UNC13A: variants seen among roughly 807,000 people sequenced by gnomAD.
UNC13A encodes unc-13 homolog A.
A neutral mutation model predicts 219.7 loss-of-function variants in UNC13A; 61 were observed. That is an observed-to-expected ratio of 0.28 (90% CI 0.23 to 0.34). The LOEUF (loss-of-function observed/expected upper bound fraction) is 0.34, where lower values mean the gene tolerates loss of function less well. Ranked by LOEUF, UNC13A falls within the 10% of genes least tolerant of loss-of-function variation. The probability of loss-of-function intolerance (pLI) is 1.00; values close to 1 mark genes in which losing one functional copy is unlikely to be tolerated. For missense variants in UNC13A, 1,476 were observed against 2,270.3 expected (o/e 0.65, Z 7.11); for synonymous variants, 920 against 884.6 (o/e 1.04, Z -0.71).
chr19:17,680,879 C>CTTTTTTTT, intron 1 of UNC13A, among the ~76,000 whole-genome samples: 1 of 80,188 alleles, frequency 1.2e-5, no homozygotes, highest in Non-Finnish European at 2.6e-5. Context: ...CTTTTTTTTT[C>CTTTTTTTT]TTTTCTTTTC....
chr19:17,642,749 G>A (rs1431240676), intron 20 of UNC13A, 96 bp downstream of exon 20: 2 of 1,067,900 alleles, frequency 1.9e-6, no homozygotes, highest in African/African-American at 3.1e-5. Flanking sequence ...CAGAGGGCCA[G>A]GAGAGTGTGG....
At chr19:17,634,485 C>T (rs992191225) in intron 26 of UNC13A, among the ~76,000 whole-genome samples, 3 of 151,356 alleles carry the variant, frequency 2.0e-5, no homozygotes, top group Non-Finnish European at 4.4e-5. Context: ...ATTACAGGCG[C>T]GAGCCACTAT....
At chr19:17,664,457 C>T (rs981132843) in intron 7 of UNC13A, among the ~76,000 whole-genome samples, 1 of 152,210 alleles carries the variant, frequency 6.6e-6, no homozygotes, top group Non-Finnish European at 1.5e-5. Flanking sequence ...GACCAGAATC[C>T]TGGCTCCTCT....
At position 17,658,143 on chromosome 19, in the gene UNC13A, C is replaced by T. The variant is rs1402835470; in HGVS notation, c.686G>A (p.Arg229His). The T allele has an allele frequency of 1.9e-6, 3 of 1,613,776 alleles. No homozygotes were observed. Among genetic ancestry groups the T allele is most frequent in the Non-Finnish European group, 2.5e-6 (3 of 1,179,844 alleles). ...CTCCCGGGAGCCCAGGGGTGGTGGG[C>T]GAACAGAATATTGGTGGACTGAGGC... ...PNASVHQYSV[R>H]PPPLGSRESY... Residue 229 changes from arginine (R) to histidine (H), a missense_variant, in exon 9 of 44, where the codon CGC becomes CAC. Physicochemically the swap from Arg to His is conservative, Grantham distance 29. Coordinates refer to ENST00000519716, the MANE Select transcript of UNC13A (RefSeq NM_001080421.3).
At chr19:17,634,435 C>A (rs2076891344) in intron 26 of UNC13A, among the ~76,000 whole-genome samples, 1 of 151,514 alleles carries the variant, frequency 6.6e-6, no homozygotes, top group Non-Finnish European at 1.5e-5. Context: ...ACCACCCGGG[C>A]TCAAATGATT....
Position 17,649,718 on chromosome 19 carries a change from G to A in UNC13A, c.1440-131C>T. On this transcript the variant is annotated intron_variant, in intron 12 of 43. Transcript: ENST00000519716. This position sits in a 1 kb window ranked among gnomAD's most constrained non-coding sequence, Gnocchi z 4.4. ...TCCCTCAAAAAAAAGATACGCTGAT[G>A]CCCTAACCCCCACTACCTCAGAAGG... The A allele has an allele frequency of 1.1e-6, 1 of 929,856 alleles. No homozygotes were observed. Among genetic ancestry groups the A allele is most frequent in the Non-Finnish European group, 1.7e-6 (1 of 595,918 alleles). 57.6% of individuals were successfully genotyped at this position (929,856 alleles called of 1,614,324 possible).
At chr19:17,656,493 A>T (rs932129618) in intron 9 of UNC13A, 95 bp from the exon 10 acceptor site, 4 of 1,250,564 alleles carry the variant, frequency 3.2e-6, no homozygotes, top group Non-Finnish European at 4.3e-6. Context: ...CCGACTGAGC[A>T]CCTACGATGT....
At chr19:17,634,621 T>C (rs2145018612) in intron 26 of UNC13A, among the ~76,000 whole-genome samples, 1 of 152,234 alleles carries the variant, frequency 6.6e-6, no homozygotes, top group Non-Finnish European at 1.5e-5. Flanking sequence ...ATTACAAGCG[T>C]GAGCTGCCAC....
intron 8 of UNC13A, among the ~76,000 whole-genome samples, chr19:17,662,919 CAA>C (rs35777969): frequency 1.6e-4 from 12 of 74,180 alleles, no homozygotes; most frequent in Admixed American, 1.5e-4. Flanking sequence ...GACTCCGTCT[CAA>C]AAAAAAAAAA....
intron 20 of UNC13A, 109 bp downstream of exon 20, chr19:17,642,736 T>C (rs2076983790): frequency 1.1e-6 from 1 of 903,758 alleles, no homozygotes; most frequent in Admixed American, 2.6e-5. Context: ...TGGCGGGCAG[T>C]CTCAGAGGGC....
intron 11 of UNC13A, among the ~76,000 whole-genome samples, chr19:17,654,890 T>C (rs1186788668): frequency 5.9e-5 from 9 of 152,238 alleles, no homozygotes; most frequent in Admixed American, 4.6e-4. Flanking sequence ...CAGGCTGACA[T>C]TGGGAAGGAG....
At chr19:17,630,632 G>A (rs766176438) in intron 29 of UNC13A, 22 bp downstream of exon 29, 6 of 1,612,952 alleles carry the variant, frequency 3.7e-6, no homozygotes, top group Non-Finnish European at 5.1e-6. Flanking sequence ...TTAGGAACTT[G>A]GTTGTGGGTG....
At chr19:17,621,677 T>C (rs993991561) in intron 37 of UNC13A, among the ~76,000 whole-genome samples, 155 bp downstream of exon 37, 11 of 152,000 alleles carry the variant, frequency 7.2e-5, no homozygotes, top group African/African-American at 2.7e-4. Context: ...TCACTTCATC[T>C]CTGACTTCTG....
chr19:17,632,148 T>C (rs569859378), intron 28 of UNC13A, among the ~76,000 whole-genome samples: 4 of 152,326 alleles, frequency 2.6e-5, no homozygotes, highest in African/African-American at 9.6e-5. Flanking sequence ...TGACCTCTGG[T>C]GATCCACCCA....
intron 41 of UNC13A, chr19:17,616,351 G>T: frequency 2.9e-6 from 2 of 682,500 alleles, no homozygotes; most frequent in Admixed American, 2.1e-5. Flanking sequence ...GGGGCCAGGA[G>T]GGGCGCAGGC....
rs59631291 is a variant in UNC13A at position 17,628,907 on chromosome 19, CCT to C, written c.3753+331_3753+332del. 8.5e-3 allele frequency among the ~76,000 whole-genome samples: 1,299 copies of C among 152,052 alleles called. 17 individuals are homozygous for C. Among genetic ancestry groups the C allele is most frequent in the African/African-American group, 0.027 (1,134 of 41,480 alleles). ...ACTCACACACACATTCATGCCATAC[CCT>C]GTTAACAAAGCCAGACAAAACATGA... On this transcript the variant is annotated intron_variant, in intron 31 of 43. Coordinates refer to ENST00000519716, the MANE Select transcript of UNC13A (RefSeq NM_001080421.3).
intron 41 of UNC13A, among the ~76,000 whole-genome samples, chr19:17,612,445 C>T (rs940838155): frequency 1.3e-5 from 2 of 152,210 alleles, no homozygotes; most frequent in African/African-American, 4.8e-5. Context: ...CTGTATCCTA[C>T]ACCTGCCCCC....
chr19:17,653,873 C>T (rs2145861016), intron 11 of UNC13A, among the ~76,000 whole-genome samples: 1 of 131,134 alleles, frequency 7.6e-6, no homozygotes, highest in East Asian at 2.2e-4. Context: ...GTCACCCAGG[C>T]TGGTGTGCAG....
chr19:17,647,293 G>A lies in UNC13A; in HGVS notation c.2016C>T (p.Ser672=), dbSNP rs1467271204. 6.3e-7 allele frequency: 1 copy of A among 1,597,032 alleles called. No homozygotes were observed. Among genetic ancestry groups the A allele is most frequent in the Non-Finnish European group, 8.5e-7 (1 of 1,172,134 alleles). The change falls in exon 17 of 44, where the codon TCC becomes TCT. Residue 672 remains serine (S), a synonymous_variant. Coordinates refer to ENST00000519716, the MANE Select transcript of UNC13A (RefSeq NM_001080421.3). ...AVKQSVLDGT[S]KWSAKISITV... is the part of the protein sequence containing the mutation. ...TGATGCTGATCTTGGCGGACCACTT[G>A]GACGTGCCGTCCAGCACGCTCTGCT...
Sources: gnomAD v4.1 joint callset for allele counts (sites outside exome capture counted in the v4.1 genomes callset) on GRCh38, gnomAD v4.1.1 for gene constraint, Gnocchi (gnomAD v3.1) non-coding constraint, MANE v1.5 for transcripts, NCBI Gene and HGNC (gene_info 2026-07-23, HGNC 2026-07-21) for gene names.